The following ASTN2 variants were observed in gnomAD, a reference collection of about 807,000 sequenced individuals.
ASTN2 encodes astrotactin 2.
Under a neutral mutation model 139.8 loss-of-function variants are expected in ASTN2, and 54 were observed. The ratio of observed to expected loss-of-function variants is 0.39; its 90% CI spans 0.31 to 0.48. ASTN2 has a LOEUF of 0.48. Among genes scored for constraint, ASTN2 ranks in the 20% least tolerant of loss-of-function variants. The pLI, the probability that ASTN2 is intolerant of heterozygous loss-of-function variation, is 0.95. For synonymous variants in ASTN2, 756 were observed against 719.5 expected (o/e 1.05, Z -0.81); for missense variants, 1,565 against 1,725.1 (o/e 0.91, Z 1.64).
chr9:116,641,175 A>G (rs1857310298), intron 17 of ASTN2, among the ~76,000 whole-genome samples: 1 of 152,202 alleles, frequency 6.6e-6, no homozygotes, highest in Admixed American at 6.5e-5. Context: ...GAAGTGAATC[A>G]ATGTAGACAG....
At chr9:116,713,571 T>G (rs1564227489) in intron 16 of ASTN2, among the ~76,000 whole-genome samples, 1 of 152,292 alleles carries the variant, frequency 6.6e-6, no homozygotes, top group South Asian at 2.1e-4. Context: ...ACTAAGTACT[T>G]CTAATTGTTG....
chr9:116,670,389 G>A (rs1859123075), intron 16 of ASTN2, among the ~76,000 whole-genome samples: 1 of 151,984 alleles, frequency 6.6e-6, no homozygotes, highest in Non-Finnish European at 1.5e-5. Flanking sequence ...ATGACTGAGT[G>A]GCTGGGCCAG....
At chr9:116,672,428 AAG>A (rs1238291570) in intron 16 of ASTN2, among the ~76,000 whole-genome samples, 1 of 152,184 alleles carries the variant, frequency 6.6e-6, no homozygotes, top group African/African-American at 2.4e-5. Flanking sequence ...TAGGTTGTAT[AAG>A]AGTTTTAAAC....
At chr9:116,677,767 C>A (rs1859599547) in intron 16 of ASTN2, among the ~76,000 whole-genome samples, 1 of 152,068 alleles carries the variant, frequency 6.6e-6, no homozygotes, top group Non-Finnish European at 1.5e-5. Flanking sequence ...AAAATGGGAC[C>A]CTTAATTTTG....
Position 117,077,418 on chromosome 9 carries a change from A to C in ASTN2, c.1276+18626T>G, listed in dbSNP as rs575141590. Reference sequence around the variant, plus strand: ...TGTAAGAGTTAAATGAGGAGCTATAAAGTAAGTAAGCTATAAGGTAAGTAA... The same window carrying C: ...TGTAAGAGTTAAATGAGGAGCTATACAGTAAGTAAGCTATAAGGTAAGTAA... On this transcript the variant is annotated intron_variant, in intron 5 of 22. Coordinates refer to ENST00000313400, the MANE Select transcript of ASTN2 (RefSeq NM_001365068.1). Among the ~76,000 whole-genome samples the C allele has an allele frequency of 9.2e-5, 14 of 152,200 alleles. 1 individual carries two copies. In the East Asian group the frequency reaches 1.7e-3, roughly 19 times the overall value.
intron 1 of ASTN2, among the ~76,000 whole-genome samples, chr9:117,310,509 GT>G (rs1376110039): frequency 2.0e-5 from 3 of 152,210 alleles, no homozygotes; most frequent in African/African-American, 7.2e-5. Context: ...ATGTCATGGA[GT>G]TTTAAGTCTT....
At chr9:116,648,729 T>C (rs925005971) in intron 17 of ASTN2, among the ~76,000 whole-genome samples, 2 of 152,174 alleles carry the variant, frequency 1.3e-5, no homozygotes, top group Admixed American at 6.5e-5. Flanking sequence ...CTCACTAATC[T>C]ACCACCAAAA....
intron 10 of ASTN2, among the ~76,000 whole-genome samples, chr9:116,928,704 G>T (rs1470265423): frequency 2.0e-5 from 3 of 152,062 alleles, no homozygotes; most frequent in Non-Finnish European, 4.4e-5. Flanking sequence ...GCAAAGACTT[G>T]TGGAGGTACA....
intron 10 of ASTN2, among the ~76,000 whole-genome samples, chr9:116,896,634 A>C (rs933652240): frequency 5.3e-5 from 8 of 152,160 alleles, no homozygotes; most frequent in Non-Finnish European, 8.8e-5. Flanking sequence ...TGGGTAATTT[A>C]TTAAAAAAGA....
intron 13 of ASTN2, among the ~76,000 whole-genome samples, chr9:116,778,006 C>A (rs566783376): frequency 6.6e-6 from 1 of 152,148 alleles, no homozygotes; most frequent in Non-Finnish European, 1.5e-5. Context: ...CCACACCCAG[C>A]TAATTTTTAT....
chr9:117,045,320 AT>A (rs71379252), intron 5 of ASTN2, among the ~76,000 whole-genome samples: 22,907 of 145,732 alleles, frequency 0.16, 1,909 homozygotes, highest in African/African-American at 0.19. Flanking sequence ...TTGCCTGAGT[AT>A]TTTTTTTTTT....
intron 19 of ASTN2, among the ~76,000 whole-genome samples, chr9:116,494,595 T>A (rs1849615232): frequency 6.6e-6 from 1 of 152,308 alleles, no homozygotes; most frequent in East Asian, 1.9e-4. Context: ...AATAAAAATG[T>A]TATTTGGCTT....
intron 19 of ASTN2, among the ~76,000 whole-genome samples, chr9:116,617,946 A>G (rs1432472189): frequency 1.3e-5 from 2 of 152,212 alleles, no homozygotes; most frequent in African/African-American, 4.8e-5. Flanking sequence ...TCTCACTAGA[A>G]AGCCAATTGT....
At chr9:116,797,060 A>G (rs1362482366) in intron 13 of ASTN2, among the ~76,000 whole-genome samples, 1 of 152,024 alleles carries the variant, frequency 6.6e-6, no homozygotes, top group Non-Finnish European at 1.5e-5. Flanking sequence ...GCCTCAAGCA[A>G]TCTTCCCATC....
At chr9:117,316,655 T>A (rs1168160991) in intron 1 of ASTN2, among the ~76,000 whole-genome samples, 1 of 152,164 alleles carries the variant, frequency 6.6e-6, no homozygotes. Flanking sequence ...AGAATTGTGT[T>A]TCTGCCTCCA....
chr9:117,206,601 C>T (rs1831933775), intron 3 of ASTN2, among the ~76,000 whole-genome samples: 1 of 152,180 alleles, frequency 6.6e-6, no homozygotes, highest in Non-Finnish European at 1.5e-5. Context: ...TTCATTACCC[C>T]AAGCCCACAC....
chr9:117,251,070 A>G (rs185778781), intron 2 of ASTN2, among the ~76,000 whole-genome samples: 46 of 152,274 alleles, frequency 3.0e-4, no homozygotes, highest in Admixed American at 2.0e-3. Context: ...TGGTTCTATG[A>G]GTGAAGCTGA....
intron 10 of ASTN2, among the ~76,000 whole-genome samples, chr9:116,873,846 TC>T (rs1162691548): frequency 1.3e-5 from 2 of 152,202 alleles, no homozygotes; most frequent in Non-Finnish European, 2.9e-5. Context: ...TTCCTGCTGT[TC>T]CAGCCATGTA....
Position 117,214,749 on chromosome 9 carries a change from C to A in ASTN2, c.631-7G>T, listed in dbSNP as rs770930050. ...GCAGCGCGATGAGGCCACCCTGGAGCAGGAAGGAAGGACACACAAATGGGC... is the reference window on the plus strand; with the variant it reads ...GCAGCGCGATGAGGCCACCCTGGAGAAGGAAGGAAGGACACACAAATGGGC... On this transcript the variant is annotated splice_region_variant and splice_polypyrimidine_tract_variant and intron_variant, in intron 2 of 22. Coordinates refer to ENST00000313400, the MANE Select transcript of ASTN2 (RefSeq NM_001365068.1). 6.8e-7 allele frequency: 1 copy of A among 1,478,170 alleles called. No individual in the cohort carries two copies. The allele number at this position is 1,478,170 out of a possible 1,614,324, so 91.6% of individuals were successfully genotyped here. A position where few individuals can be genotyped will look rare whatever the true frequency, so the allele number is the denominator to read the frequency against.
Sources: gnomAD v4.1 joint callset for allele counts (sites outside exome capture counted in the v4.1 genomes callset) on GRCh38, gnomAD v4.1.1 for gene constraint, MANE v1.5 for transcripts, NCBI Gene and HGNC (gene_info 2026-07-23, HGNC 2026-07-21) for gene names.